KCTD1: variants seen among roughly 807,000 people sequenced by gnomAD.
The protein encoded by KCTD1 is potassium channel tetramerization domain containing 1, also known as BTB/POZ domain-containing protein KCTD1.
A neutral mutation model predicts 66.0 loss-of-function variants in KCTD1; 24 were observed. That is an observed-to-expected ratio of 0.36 (90% CI 0.26 to 0.51). The LOEUF (loss-of-function observed/expected upper bound fraction) is 0.51. Ranked by LOEUF, KCTD1 falls within the 20% of genes least tolerant of loss-of-function variation. The pLI is 0.95. For missense variants in KCTD1, 943 were observed against 1,205.2 expected (o/e 0.78, Z 3.22); for synonymous variants, 511 against 517.2 (o/e 0.99, Z 0.16).
intron 1 of KCTD1, among the ~76,000 whole-genome samples, chr18:26,514,053 G>A (rs1459012447): frequency 6.6e-6 from 1 of 152,116 alleles, no homozygotes; most frequent in East Asian, 1.9e-4. Context: ...TCATTTTATT[G>A]GAGTATCATT....
rs190632091 is a variant in KCTD1 at position 26,532,812 on chromosome 18, T to C, written c.1809+13916A>G. On this transcript the variant is annotated intron_variant, in intron 1 of 4. Coordinates refer to ENST00000580059, the MANE Select transcript of KCTD1 (RefSeq NM_001142730.3). ...AGAGGAGGAATCCTGGGGACTAGAG[T>C]AGCTGCTCAGTTACTTCCATCTATA... Among the ~76,000 whole-genome samples the C allele has an allele frequency of 1.3e-4, 20 of 152,278 alleles. No individual in the cohort carries two copies. In the East Asian group the frequency reaches 3.9e-3, roughly 29 times the overall value.
intron 3 of KCTD1, among the ~76,000 whole-genome samples, chr18:26,466,009 A>C (rs1319561002): frequency 2.7e-5 from 4 of 148,438 alleles, no homozygotes; most frequent in African/African-American, 1.0e-4. Flanking sequence ...CCAGTGAAGA[A>C]ACTCTGGCGA....
At chr18:26,516,747 A>G (rs1258003893) in intron 1 of KCTD1, among the ~76,000 whole-genome samples, 3 of 152,196 alleles carry the variant, frequency 2.0e-5, no homozygotes, top group Admixed American at 1.3e-4. Context: ...AATAAACAGT[A>G]CTGATGATGA....
chr18:26,547,501 C>T lies in KCTD1; in HGVS notation c.1036G>A (p.Val346Ile), dbSNP rs753979261. Residue 346 changes from valine (V) to isoleucine (I), a missense_variant, in exon 1 of 5, where the codon GTC (valine) becomes ATC (isoleucine). By Grantham distance (29) the Val-to-Ile change is conservative (BLOSUM62 3). Coordinates refer to ENST00000580059, the MANE Select transcript of KCTD1 (RefSeq NM_001142730.3). ...LAMDEDGRKF[V>I]YFKSLGPYHK... ...TAGGGCCCGAGGGACTTGAAGTAGA[C>T]GAACTTGCGACCGTCCTCGTCCATG... The T allele has an allele frequency of 6.4e-7, 1 of 1,551,440 alleles. No homozygotes were observed. Among genetic ancestry groups the T allele is most frequent in the Non-Finnish European group, 8.7e-7 (1 of 1,147,004 alleles).
Position 26,548,225 on chromosome 18 carries a change from G to C in KCTD1, c.312C>G (p.Pro104=), listed in dbSNP as rs1985354428. The change falls in exon 1 of 5, where the codon CCC becomes CCG. Residue 104 remains proline (P), a synonymous_variant. Transcript: ENST00000580059. ...EEEMGLDWDE[P]LEPEDSAGEE... ...CCCCGGCCGAGTCCTCGGGCTCCAG[G>C]GGCTCGTCCCAGTCCAGCCCCATCT... 1 of 1,509,480 alleles carries C rather than the reference G, an allele frequency of 6.6e-7. No homozygotes were observed. 93.5% of individuals were successfully genotyped at this position (1,509,480 alleles called of 1,614,324 possible). A position where few individuals can be genotyped will look rare whatever the true frequency, so the allele number is the denominator to read the frequency against.
chr18:26,459,349 G>A (rs760190210), intron 4 of KCTD1: 26 of 373,538 alleles, frequency 7.0e-5, no homozygotes, highest in African/African-American at 1.4e-4. Flanking sequence ...TTAGCCTCTG[G>A]AGTGGCTGGG....
rs1981347330 is a variant in KCTD1, at chr18:26,476,392, A to G, written c.2133+123T>C. ...TATTTCATGAATAGTGAACCATGTC[A>G]AAGAGAACTCTGGCACCTTTCGAGT... On this transcript the variant is annotated intron_variant, in intron 3 of 4. Coordinates refer to ENST00000580059, the MANE Select transcript of KCTD1 (RefSeq NM_001142730.3). The surrounding 1 kb of genome is among the most constrained non-coding windows in gnomAD (Gnocchi z 4.9). 2 of 868,612 alleles carry G rather than the reference A, an allele frequency of 2.3e-6. No individual in the cohort carries two copies. Among genetic ancestry groups the G allele is most frequent in the Admixed American group, 6.6e-5 (2 of 30,442 alleles). The allele number at this position is 868,612 out of a possible 1,614,324, so 53.8% of individuals were successfully genotyped here. A position where few individuals can be genotyped will look rare whatever the true frequency, so the allele number is the denominator to read the frequency against.
At chr18:26,489,698 G>A (rs192232562) in intron 2 of KCTD1, among the ~76,000 whole-genome samples, 6 of 152,260 alleles carry the variant, frequency 3.9e-5, no homozygotes, top group South Asian at 2.1e-4. Flanking sequence ...TAACTTGTAC[G>A]GGATTTTCTT....
At chr18:26,501,377 C>A (rs1477208937) in intron 1 of KCTD1, 127 bp from the exon 2 acceptor site, 6 of 791,718 alleles carry the variant, frequency 7.6e-6, no homozygotes, top group Non-Finnish European at 1.2e-5. Context: ...GAAAAACCGG[C>A]AAGCTCTTGC....
At chr18:26,492,083 A>T (rs971006674) in intron 2 of KCTD1, among the ~76,000 whole-genome samples, 2 of 152,104 alleles carry the variant, frequency 1.3e-5, no homozygotes, top group African/African-American at 4.8e-5. Flanking sequence ...CTCTACAAAA[A>T]CATAAAAAAT....
intron 1 of KCTD1, chr18:26,565,909 T>C (rs1295377696): frequency 6.6e-6 from 1 of 152,218 alleles, no homozygotes; most frequent in Non-Finnish European, 1.5e-5. Context: ...ATATTATTAC[T>C]GGATATTTTT....
At chr18:26,569,081 G>A (rs1986046602) in intron 1 of KCTD1, among the ~76,000 whole-genome samples, 1 of 151,982 alleles carries the variant, frequency 6.6e-6, no homozygotes, top group South Asian at 2.1e-4. Flanking sequence ...ATAATAATAT[G>A]TTAATCATAT....
chr18:26,601,152 G>A (rs1986886299), intron 1 of KCTD1, among the ~76,000 whole-genome samples: 1 of 151,886 alleles, frequency 6.6e-6, no homozygotes, highest in African/African-American at 2.4e-5. Flanking sequence ...AGCATTTAGA[G>A]GGAAGCAGGG....
chr18:26,620,894 G>A (rs1555647762), intron 1 of KCTD1, among the ~76,000 whole-genome samples: 1 of 148,232 alleles, frequency 6.7e-6, no homozygotes, highest in Non-Finnish European at 1.5e-5. Flanking sequence ...GTGCCGTGGC[G>A]CGATCTCGGC....
At chr18:26,656,737 G>A (rs1216106118) in intron 1 of KCTD1, among the ~76,000 whole-genome samples, 1 of 151,428 alleles carries the variant, frequency 6.6e-6, no homozygotes, top group African/African-American at 2.4e-5. Flanking sequence ...ACCCCCGGCA[G>A]GAGCGCAGCC....
chr18:26,557,668 A>T (rs1985738985), intron 1 of KCTD1, among the ~76,000 whole-genome samples: 1 of 152,208 alleles, frequency 6.6e-6, no homozygotes, highest in Non-Finnish European at 1.5e-5. Context: ...ACTGCCTCAA[A>T]GCTCATACAT....
At chr18:26,642,933 G>A (rs1035631776), upstream of KCTD1, among the ~76,000 whole-genome samples, 5 of 151,322 alleles carry the variant, frequency 3.3e-5, no homozygotes, top group South Asian at 6.3e-4. Context: ...GCGGAGGGGC[G>A]TGCACTGGCG....
intron 1 of KCTD1, among the ~76,000 whole-genome samples, chr18:26,651,337 A>C (rs554608002): frequency 7.0e-4 from 106 of 152,342 alleles, no homozygotes; most frequent in African/African-American, 2.5e-3. Flanking sequence ...AGGGTTTTGT[A>C]GTCAGCCAGC....
chr18:26,464,366 A>AAAT (rs1320349097), intron 3 of KCTD1, among the ~76,000 whole-genome samples: 1 of 152,162 alleles, frequency 6.6e-6, no homozygotes, highest in Non-Finnish European at 1.5e-5. Flanking sequence ...TGCCTCCCTC[A>AAAT]AATAAGGACC....
Sources: allele counts gnomAD v4.1 joint callset (sites outside exome capture counted in the v4.1 genomes callset), GRCh38; gene constraint gnomAD v4.1.1; non-coding constraint Gnocchi (gnomAD v3.1); transcripts MANE v1.5; gene names NCBI Gene and HGNC (gene_info 2026-07-23, HGNC 2026-07-21).